The following GPC4 variants were observed in gnomAD, a reference collection of about 807,000 sequenced individuals.
GPC4 encodes the protein glypican 4.
GPC4 carries 10 observed loss-of-function variants against 35.0 expected under a neutral mutation model. The observed-to-expected ratio is 0.29, with a 90% CI of 0.18 to 0.48. The LOEUF (loss-of-function observed/expected upper bound fraction) is 0.48, where lower values mean the gene tolerates loss of function less well. Ranked by LOEUF, GPC4 falls within the 20% of genes least tolerant of loss-of-function variation. The probability of loss-of-function intolerance (pLI) is 0.99; values close to 1 mark genes in which losing one functional copy is unlikely to be tolerated. For missense variants in GPC4, 322 were observed against 451.3 expected (o/e 0.71, Z 2.60); for synonymous variants, 167 against 170.2 (o/e 0.98, Z 0.15).
chrX:133,346,114 A>G (rs2068490329), intron 1 of GPC4, among the ~76,000 whole-genome samples: 1 of 111,373 alleles, frequency 9.0e-6, no homozygotes, highest in Non-Finnish European at 1.9e-5. Flanking sequence ...TTACACTCCT[A>G]TGCAAATGTC....
chrX:133,324,019 A>G, intron 3 of GPC4, 126 bp downstream of exon 3: 1 of 643,566 alleles, frequency 1.6e-6, no homozygotes, highest in Non-Finnish European at 2.3e-6. Context: ...GAGGTAAGAG[A>G]GGAAGAAAAG....
At chrX:133,396,926 T>C (rs1039458088) in intron 1 of GPC4, among the ~76,000 whole-genome samples, 2 of 112,003 alleles carry the variant, frequency 1.8e-5, no homozygotes, top group African/African-American at 6.5e-5. Flanking sequence ...TGTTAATCAT[T>C]TCCTGATATA....
rs148116003 is a variant in GPC4 at position 133,389,897 on chromosome X, G to A, written c.160+24909C>T. Among the ~76,000 whole-genome samples, 854 of 111,558 alleles carry A rather than the reference G, an allele frequency of 7.7e-3. 8 individuals carry two copies. The highest frequency in any genetic ancestry group is 0.013 in the Non-Finnish European group (673 of 53,086). ...TCCTAAAGCAAATTTTGAGTAAGACGACTTATCTGAATGTTAATGCCTTGA... is the reference window on the plus strand; with the variant it reads ...TCCTAAAGCAAATTTTGAGTAAGACAACTTATCTGAATGTTAATGCCTTGA... On this transcript the variant is annotated intron_variant, in intron 1 of 8. Transcript: ENST00000370828.
At chrX:133,357,629 C>A (rs1461620482) in intron 1 of GPC4, among the ~76,000 whole-genome samples, 1 of 109,854 alleles carries the variant, frequency 9.1e-6, no homozygotes, top group Non-Finnish European at 1.9e-5. Flanking sequence ...CAAGCACGAG[C>A]CACCTCATGG....
Position 133,327,636 on chromosome X carries a change from A to AGTTTGTGTGT in GPC4, c.320-3101_320-3100insACACACAAAC, listed in dbSNP as rs1289042509. 2.7e-3 allele frequency among the ~76,000 whole-genome samples: 221 copies of AGTTTGTGTGT among 83,284 alleles called. 2 individuals carry two copies. The highest frequency in any genetic ancestry group is 8.9e-3 in the African/African-American group (201 of 22,664). 72.3% of individuals were successfully genotyped at this position (83,284 alleles called of 115,157 possible). A position where few individuals can be genotyped will look rare whatever the true frequency, so the allele number is the denominator to read the frequency against. Reference sequence around the variant, plus strand: ...CCATGACTCACATTCTGTCCAGGAAAGTGTGTGTGTGTGTGTGTGTGTGTG... The same window carrying AGTTTGTGTGT: ...CCATGACTCACATTCTGTCCAGGAAAGTTTGTGTGTGTGTGTGTGTGTGTGTGTGTGTGTG... On this transcript the variant is annotated intron_variant, in intron 2 of 8. Transcript: ENST00000370828.
At chrX:133,348,745 A>G (rs929429895) in intron 1 of GPC4, among the ~76,000 whole-genome samples, 2 of 112,490 alleles carry the variant, frequency 1.8e-5, no homozygotes, top group Non-Finnish European at 3.7e-5. Context: ...AAGGAGTCAC[A>G]TGTGAGTTTC....
rs939200503 is a variant in GPC4, at chrX:133,303,015, G to A, written c.1523C>T (p.Pro508Leu). 8.3e-7 allele frequency: 1 copy of A among 1,209,352 alleles called. No individual in the cohort carries two copies. Among genetic ancestry groups the A allele is most frequent in the Non-Finnish European group, 1.1e-6 (1 of 895,115 alleles). Residue 508 changes from proline (P) to leucine (L), a missense_variant, in exon 9 of 9, where the codon CCT (proline) becomes CTT (leucine). Pro to Leu is a moderately conservative substitution (Grantham distance 98). Transcript: ENST00000370828. ...SGSGCEYQQC[P>L]SEFDYNATDH... ...AGTGGCATTGTAGTCAAACTCTGAA[G>A]GGCACTGCTGATACTCACAGCCACT...
intron 2 of GPC4, among the ~76,000 whole-genome samples, chrX:133,334,555 G>A (rs1391964898): frequency 9.0e-6 from 1 of 111,685 alleles, no homozygotes; most frequent in African/African-American, 3.3e-5. Flanking sequence ...TTTCACTAAA[G>A]CAGCTGGTCT....
chrX:133,365,768 C>T (rs779501132), intron 1 of GPC4, among the ~76,000 whole-genome samples: 33 of 112,469 alleles, frequency 2.9e-4, no homozygotes, highest in Non-Finnish European at 5.6e-4. Flanking sequence ...AGACTGATTT[C>T]TCTTTAGTTT....
intron 4 of GPC4, among the ~76,000 whole-genome samples, chrX:133,306,722 T>A: frequency 8.9e-6 from 1 of 112,375 alleles, no homozygotes; most frequent in Non-Finnish European, 1.9e-5. Context: ...ATACTAAAAC[T>A]TTGAATAATC....
intron 2 of GPC4, among the ~76,000 whole-genome samples, chrX:133,327,982 G>A (rs2033172920): frequency 9.1e-6 from 1 of 110,411 alleles, no homozygotes; most frequent in South Asian, 3.9e-4. Context: ...AAAGCACATG[G>A]TGTTTTGCCA....
intron 1 of GPC4, among the ~76,000 whole-genome samples, chrX:133,349,840 C>G (rs1438583317): frequency 9.0e-6 from 1 of 111,306 alleles, no homozygotes; most frequent in Non-Finnish European, 1.9e-5. Context: ...AGGCTGGTCT[C>G]GAACTCCTGG....
At chrX:133,318,259 CT>C (rs1024286035) in intron 3 of GPC4, among the ~76,000 whole-genome samples, 3 of 111,898 alleles carry the variant, frequency 2.7e-5, no homozygotes, top group African/African-American at 9.7e-5. Flanking sequence ...TTCTTAAAAG[CT>C]TTTTGTATTG....
chrX:133,335,507 T>TA (rs2068438824), intron 2 of GPC4, among the ~76,000 whole-genome samples: 1 of 111,282 alleles, frequency 9.0e-6, no homozygotes, highest in African/African-American at 3.3e-5. Flanking sequence ...AAAACTGATA[T>TA]AGACCGTACA....
At chrX:133,374,054 T>C (rs1342523295) in intron 1 of GPC4, among the ~76,000 whole-genome samples, 3 of 111,356 alleles carry the variant, frequency 2.7e-5, no homozygotes, top group African/African-American at 9.8e-5. Flanking sequence ...CACAACTCCA[T>C]GAATATACTA....
intron 1 of GPC4, among the ~76,000 whole-genome samples, chrX:133,403,055 A>T: frequency 9.0e-6 from 1 of 111,628 alleles, no homozygotes; most frequent in East Asian, 2.8e-4. Flanking sequence ...CTAAGCGCCC[A>T]CCTCCAAGCA....
At chrX:133,320,400 G>A (rs747078701) in intron 3 of GPC4, among the ~76,000 whole-genome samples, 53 of 110,870 alleles carry the variant, frequency 4.8e-4, no homozygotes, top group African/African-American at 1.6e-3. Flanking sequence ...GCCGAGGTGG[G>A]CGAATCACCT....
intron 1 of GPC4, among the ~76,000 whole-genome samples, chrX:133,385,548 A>G (rs1047977158): frequency 8.9e-6 from 1 of 112,234 alleles, no homozygotes; most frequent in East Asian, 2.8e-4. Flanking sequence ...TGTCTGCACC[A>G]TAACTCTTGA....
intron 2 of GPC4, among the ~76,000 whole-genome samples, chrX:133,330,615 T>C (rs750695716): frequency 9.0e-6 from 1 of 111,223 alleles, no homozygotes; most frequent in South Asian, 3.8e-4. Context: ...CAAAAGATCA[T>C]ATACTCAACT....
Sources: gnomAD v4.1 joint callset for allele counts (sites outside exome capture counted in the v4.1 genomes callset) on GRCh38, gnomAD v4.1.1 for gene constraint, MANE v1.5 for transcripts, NCBI Gene and HGNC (gene_info 2026-07-23, HGNC 2026-07-21) for gene names.